Variants in DCLK1 observed in about 807,000 individuals in gnomAD.
DCLK1 encodes serine/threonine-protein kinase DCLK1.
DCLK1 carries 16 observed loss-of-function variants against 86.2 expected under a neutral mutation model. The observed-to-expected ratio is 0.19, with a 90% CI of 0.13 to 0.28. The LOEUF is 0.28. DCLK1 is among the 10% of genes least tolerant of loss of function. The probability of loss-of-function intolerance (pLI) is 1.00; values close to 1 mark genes in which losing one functional copy is unlikely to be tolerated. For missense variants in DCLK1, 590 were observed against 940.2 expected (o/e 0.63, Z 4.87); for synonymous variants, 369 against 370.5 (o/e 1.00, Z 0.05).
chr13:36,046,833 G>A (rs911700733), intron 3 of DCLK1, among the ~76,000 whole-genome samples: 1 of 152,152 alleles, frequency 6.6e-6, no homozygotes, highest in African/African-American at 2.4e-5. Context: ...AGCACATAAA[G>A]GCCAGCACTG....
Position 35,782,669 on chromosome 13 carries a change from C to T in DCLK1, c.2059-7970G>A, listed in dbSNP as rs149888296. On this transcript the variant is annotated intron_variant, in intron 16 of 16. Transcript: ENST00000360631. ...ATCAGTGAAAAAATGGTCCCTTCTT[C>T]GGAGAGTTCAATCATTTATTTGTTA... Among the ~76,000 whole-genome samples, 561 of 152,294 alleles carry T rather than the reference C, an allele frequency of 3.7e-3. 3 individuals carry two copies. Among genetic ancestry groups the T allele is most frequent in the African/African-American group, 0.013 (541 of 41,550 alleles).
At chr13:35,955,951 G>A (rs1057078105) in intron 3 of DCLK1, among the ~76,000 whole-genome samples, 3 of 152,176 alleles carry the variant, frequency 2.0e-5, no homozygotes, top group Non-Finnish European at 4.4e-5. Context: ...AGAGAGGTAT[G>A]AAGAATAGAG....
chr13:35,809,226 G>A (rs897874543), intron 12 of DCLK1, 131 bp from the exon 13 acceptor site: 6 of 578,052 alleles, frequency 1.0e-5, no homozygotes, highest in South Asian at 3.8e-5. Context: ...AACAACAAAC[G>A]CTAAACTAAA....
chr13:36,045,330 GTGTA>G (rs1488559029), intron 3 of DCLK1, among the ~76,000 whole-genome samples: 2,313 of 56,222 alleles, frequency 0.041, 18 homozygotes, highest in East Asian at 0.1. Context: ...GTGTGTGTGT[GTGTA>G]TATATATATA....
At chr13:35,822,663 G>T in intron 11 of DCLK1, 66 bp downstream of exon 11, 3 of 1,594,374 alleles carry the variant, frequency 1.9e-6, no homozygotes, top group Non-Finnish European at 2.6e-6. Context: ...AAAGAAAAAA[G>T]AAATATTCAT....
intron 3 of DCLK1, among the ~76,000 whole-genome samples, chr13:35,969,126 G>A (rs1375770843): frequency 6.6e-6 from 1 of 152,164 alleles, no homozygotes; most frequent in Non-Finnish European, 1.5e-5. Context: ...ACTATAATGA[G>A]CATAGTTTTT....
intron 3 of DCLK1, among the ~76,000 whole-genome samples, chr13:35,975,939 T>C (rs1593784764): frequency 6.6e-6 from 1 of 152,318 alleles, no homozygotes; most frequent in East Asian, 1.9e-4. Flanking sequence ...AGCCTCCCTG[T>C]AATGTGTCAG....
rs553201845 is a variant in DCLK1 at position 35,813,943 on chromosome 13, A to C, written c.1555-2975T>G. Among the ~76,000 whole-genome samples, 160 of 152,264 alleles carry C rather than the reference A, an allele frequency of 1.1e-3. 1 individual carries two copies. The highest frequency in any genetic ancestry group is 3.6e-3 in the African/African-American group (151 of 41,540). ...TAAATGTCCAGTCCTCTAGTTTGGA[A>C]TTCTGTTTAACTCACTGTCAGGCAG... On this transcript the variant is annotated intron_variant, in intron 11 of 16. Transcript: ENST00000360631.
At chr13:36,022,164 C>G (rs1162015520) in intron 3 of DCLK1, among the ~76,000 whole-genome samples, 1 of 151,806 alleles carries the variant, frequency 6.6e-6, no homozygotes, top group Admixed American at 6.6e-5. Flanking sequence ...ACAATACACT[C>G]CTAAATAGCC....
At chr13:36,107,240 A>G (rs539592397) in intron 3 of DCLK1, among the ~76,000 whole-genome samples, 1 of 151,664 alleles carries the variant, frequency 6.6e-6, no homozygotes, top group South Asian at 2.1e-4. Context: ...AAATCAGTTT[A>G]TGGCTACCCA....
At chr13:35,819,342 T>A (rs1456105814) in intron 11 of DCLK1, among the ~76,000 whole-genome samples, 3 of 152,158 alleles carry the variant, frequency 2.0e-5, no homozygotes, top group East Asian at 1.9e-4. Context: ...GTTAAATAAA[T>A]CATTCATACA....
At chr13:36,022,722 A>C (rs547145016) in intron 3 of DCLK1, among the ~76,000 whole-genome samples, 1 of 152,298 alleles carries the variant, frequency 6.6e-6, no homozygotes, top group East Asian at 1.9e-4. Flanking sequence ...AAAAAATCTA[A>C]TTAGACCCTG....
chr13:35,794,598 A>C (rs1593595545), intron 15 of DCLK1, among the ~76,000 whole-genome samples: 1 of 152,168 alleles, frequency 6.6e-6, no homozygotes, highest in African/African-American at 2.4e-5. Flanking sequence ...GCATGCCTAC[A>C]TGGACCAGGT....
At chr13:36,062,854 T>C (rs1040558847) in intron 3 of DCLK1, among the ~76,000 whole-genome samples, 4 of 152,144 alleles carry the variant, frequency 2.6e-5, no homozygotes, top group African/African-American at 9.7e-5. Context: ...AACTTGACAA[T>C]ATGTTCAGGT....
intron 15 of DCLK1, among the ~76,000 whole-genome samples, chr13:35,802,788 G>T (rs2086948582): frequency 2.0e-5 from 3 of 152,118 alleles, no homozygotes; most frequent in South Asian, 2.1e-4. Flanking sequence ...GGATGAGTGT[G>T]TTCAGTTATA....
At chr13:35,958,162 T>TCACCACCATCACCACTATAACCAC (rs1878189936) in intron 3 of DCLK1, among the ~76,000 whole-genome samples, 1 of 10,488 alleles carries the variant, frequency 9.5e-5, no homozygotes, top group African/African-American at 1.8e-4. Flanking sequence ...ACTATAACCA[T>TCACCACCATCACCACTATAACCAC]CACCACCATC....
chr13:35,837,525 A>C (rs1280180886), intron 7 of DCLK1, among the ~76,000 whole-genome samples: 5 of 152,108 alleles, frequency 3.3e-5, no homozygotes, highest in African/African-American at 4.8e-5. Flanking sequence ...GTCTACTGCA[A>C]AGCACCCAAA....
At chr13:35,873,809 C>A (rs1000291193) in intron 4 of DCLK1, among the ~76,000 whole-genome samples, 2 of 152,112 alleles carry the variant, frequency 1.3e-5, no homozygotes, top group Non-Finnish European at 2.9e-5. Flanking sequence ...TTCTTGAAAT[C>A]TGAATTGGTT....
chr13:35,906,882 A>G (rs1874717464), intron 4 of DCLK1, among the ~76,000 whole-genome samples: 1 of 152,176 alleles, frequency 6.6e-6, no homozygotes, highest in Admixed American at 6.5e-5. Flanking sequence ...ATCATACCCA[A>G]CTAAGCCAGA....
Sources: gnomAD v4.1 joint callset for allele counts (sites outside exome capture counted in the v4.1 genomes callset) on GRCh38, gnomAD v4.1.1 for gene constraint, MANE v1.5 for transcripts, NCBI Gene and HGNC (gene_info 2026-07-23, HGNC 2026-07-21) for gene names.